The following DLG2 variants were observed in gnomAD, a reference collection of about 807,000 sequenced individuals.
The protein encoded by DLG2 is discs large MAGUK scaffold protein 2, also known as disks large homolog 2.
A neutral mutation model predicts 132.5 loss-of-function variants in DLG2; 45 were observed. The ratio of observed to expected loss-of-function variants is 0.34; its 90% CI spans 0.27 to 0.44. The LOEUF (loss-of-function observed/expected upper bound fraction) is 0.44. DLG2 is among the 20% of genes least tolerant of loss of function. The pLI is 1.00. For synonymous variants in DLG2, 424 were observed against 419.6 expected, an observed-to-expected ratio of 1.01 and a Z score of -0.13; for missense variants, 1,045 against 1,196.9, an observed-to-expected ratio of 0.87 and a Z score of 1.87.
intron 6 of DLG2, among the ~76,000 whole-genome samples, chr11:84,721,168 C>T (rs2061794322): frequency 6.6e-6 from 1 of 152,130 alleles, no homozygotes; most frequent in Admixed American, 6.5e-5. Context: ...GCTCGGAGCG[C>T]GGCAGGGAAC....
intron 19 of DLG2, among the ~76,000 whole-genome samples, chr11:83,626,024 T>G (rs2062461533): frequency 1.3e-5 from 2 of 152,218 alleles, no homozygotes; most frequent in South Asian, 4.1e-4. Context: ...GGAGAATTCT[T>G]TATGCCAAGC....
intron 5 of DLG2, among the ~76,000 whole-genome samples, chr11:85,144,470 T>C (rs2076711703): frequency 1.3e-5 from 2 of 151,782 alleles, no homozygotes; most frequent in South Asian, 4.1e-4. Flanking sequence ...GTTATTTGTT[T>C]TCTGGTTACT....
rs558949094 is a variant in DLG2, at chr11:84,250,245, G to T, written c.573+993C>A. On this transcript the variant is annotated intron_variant, in intron 8 of 27. Transcript: ENST00000376104. ...CAAGTGGCAGTTGCTCTCTTTAAAT[G>T]GCCATGTGCTTTCTATTCCCCACAG... Among the ~76,000 whole-genome samples, 3 of 152,196 alleles carry T rather than the reference G, an allele frequency of 2.0e-5. No homozygotes were observed. The South Asian group carries it at 6.2e-4, about 32-fold the overall frequency.
At chr11:84,287,175 G>A (rs575764200) in intron 7 of DLG2, among the ~76,000 whole-genome samples, 1 of 152,088 alleles carries the variant, frequency 6.6e-6, no homozygotes, top group Non-Finnish European at 1.5e-5. Flanking sequence ...GTAAATAAAA[G>A]TATTTGGTGT....
At chr11:85,031,045 T>G (rs1056450862) in intron 6 of DLG2, among the ~76,000 whole-genome samples, 2 of 152,026 alleles carry the variant, frequency 1.3e-5, no homozygotes, top group East Asian at 3.8e-4. Flanking sequence ...TGTTCTATTT[T>G]ATATTGATTT....
chr11:84,192,329 G>A (rs947732138), intron 8 of DLG2, among the ~76,000 whole-genome samples: 7 of 152,206 alleles, frequency 4.6e-5, no homozygotes, highest in Non-Finnish European at 1.0e-4. Flanking sequence ...AACATGTTCT[G>A]AGTAAAGTTA....
chr11:84,613,772 C>G lies in DLG2; in HGVS notation c.358-79041G>C, dbSNP rs370381437. Among the ~76,000 whole-genome samples the G allele has an allele frequency of 4.6e-5, 7 of 152,256 alleles. No individual in the cohort carries two copies. The South Asian group carries it at 1.4e-3, about 32-fold the overall frequency. ...TCAGAACCTACTACTCTAAAACTTG[C>G]TATCTCAAGTCATTAAACCTTACAA... On this transcript the variant is annotated intron_variant, in intron 6 of 27. Transcript: ENST00000376104.
rs115659014 is a variant in DLG2, at chr11:84,652,171, C to T, written c.358-117440G>A. On this transcript the variant is annotated intron_variant, in intron 6 of 27. Coordinates refer to ENST00000376104, the MANE Select transcript of DLG2 (RefSeq NM_001142699.3). ...TTCCTGGAAGAGTAAATATTGTAAA[C>T]GTGTCACTTCTTTCCAAAGTTTGTC... Among the ~76,000 whole-genome samples the T allele has an allele frequency of 3.4e-3, 517 of 152,170 alleles. 4 individuals are homozygous for T. Among genetic ancestry groups the T allele is most frequent in the African/African-American group, 0.011 (466 of 41,528 alleles).
chr11:84,877,943 C>T (rs543649062), intron 6 of DLG2, among the ~76,000 whole-genome samples: 23 of 152,106 alleles, frequency 1.5e-4, no homozygotes, highest in Middle Eastern at 6.8e-3. Context: ...ATTTATGTGG[C>T]CAACAAACAT....
chr11:85,310,864 C>T (rs991996708), intron 3 of DLG2, among the ~76,000 whole-genome samples: 5 of 152,154 alleles, frequency 3.3e-5, no homozygotes, highest in African/African-American at 7.2e-5. Flanking sequence ...ACCTGAAATG[C>T]CCCACTCATA....
At chr11:84,477,091 G>A (rs58318071) in intron 7 of DLG2, among the ~76,000 whole-genome samples, 4,972 of 152,202 alleles carry the variant, frequency 0.033, 206 homozygotes, top group African/African-American at 0.096. Flanking sequence ...ACAAATAATT[G>A]TTGAATGAAT....
intron 3 of DLG2, among the ~76,000 whole-genome samples, chr11:85,468,102 G>T (rs1487101384): frequency 1.3e-5 from 2 of 152,108 alleles, no homozygotes; most frequent in Non-Finnish European, 2.9e-5. Flanking sequence ...TTGTGTAGAG[G>T]TGTTTATAGT....
chr11:84,091,497 C>T (rs1389654047), intron 10 of DLG2, among the ~76,000 whole-genome samples: 1 of 152,144 alleles, frequency 6.6e-6, no homozygotes, highest in Non-Finnish European at 1.5e-5. Context: ...TAGAAAGTCC[C>T]AAGTCCAATC....
At chr11:84,242,993 T>TTCTCTCTCTCTCTC (rs145284405) in intron 8 of DLG2, among the ~76,000 whole-genome samples, 4,224 of 124,752 alleles carry the variant, frequency 0.034, 150 homozygotes, top group African/African-American at 0.092. Flanking sequence ...ATTAATTAGG[T>TTCTCTCTCTCTCTC]TCTCTCTCTC....
chr11:84,585,309 T>G (rs992507170), intron 6 of DLG2, among the ~76,000 whole-genome samples: 1 of 152,198 alleles, frequency 6.6e-6, no homozygotes, highest in African/African-American at 2.4e-5. Flanking sequence ...AATAGGTTAG[T>G]AAATTGGCTC....
chr11:85,246,196 T>A (rs182460750), intron 4 of DLG2, among the ~76,000 whole-genome samples: 1 of 151,944 alleles, frequency 6.6e-6, no homozygotes, highest in East Asian at 1.9e-4. Flanking sequence ...TATAAAAGTA[T>A]CAAGAAATAT....
At chr11:84,386,444 A>G (rs1005832535) in intron 7 of DLG2, among the ~76,000 whole-genome samples, 1 of 152,066 alleles carries the variant, frequency 6.6e-6, no homozygotes, top group Admixed American at 6.6e-5. Flanking sequence ...CCTCAACTCC[A>G]CAATCTGTAA....
chr11:84,584,392 T>C (rs1311246088), intron 6 of DLG2, among the ~76,000 whole-genome samples: 2 of 152,006 alleles, frequency 1.3e-5, no homozygotes, highest in African/African-American at 4.8e-5. Context: ...TTTATTGACC[T>C]GCAAGAGTTC....
chr11:85,173,315 T>C (rs1019600144), intron 4 of DLG2, among the ~76,000 whole-genome samples: 8 of 152,246 alleles, frequency 5.3e-5, no homozygotes, highest in Middle Eastern at 3.4e-3. Context: ...TTGGGGCCAA[T>C]ATTCAACATT....
Sources: allele counts gnomAD v4.1 joint callset (sites outside exome capture counted in the v4.1 genomes callset), GRCh38; gene constraint gnomAD v4.1.1; transcripts MANE v1.5; gene names NCBI Gene and HGNC (gene_info 2026-07-23, HGNC 2026-07-21).